LCLAT1: variants seen among roughly 807,000 people sequenced by gnomAD.
LCLAT1 encodes the protein lysocardiolipin acyltransferase 1.
Under a neutral mutation model 30.7 loss-of-function variants are expected in LCLAT1, and 11 were observed. The observed-to-expected ratio is 0.36, with a 90% CI of 0.23 to 0.59. The LOEUF is 0.59. Ranked by LOEUF, LCLAT1 falls within the 20% of genes least tolerant of loss-of-function variation. The pLI, the probability that LCLAT1 is intolerant of heterozygous loss-of-function variation, is 0.77. For synonymous variants in LCLAT1, 155 were observed against 151.3 expected (o/e 1.02, Z -0.18); for missense variants, 402 against 458.6 (o/e 0.88, Z 1.13).
At chr2:30,618,585 G>A (rs1668099870) in intron 5 of LCLAT1, among the ~76,000 whole-genome samples, 1 of 152,026 alleles carries the variant, frequency 6.6e-6, no homozygotes, top group African/African-American at 2.4e-5. Flanking sequence ...GTGGGAGGAG[G>A]GAGAAGAGAT....
chr2:30,633,597 AT>A (rs1388876965), intron 5 of LCLAT1, among the ~76,000 whole-genome samples: 1 of 152,172 alleles, frequency 6.6e-6, no homozygotes. Flanking sequence ...AGGCAGGAGA[AT>A]TGCTTGAACC....
In LCLAT1 at chr2:30,534,219, CTGTGTGTGTGTGTGTGTG is replaced by C. The variant is rs57380693; in HGVS notation, c.364+943_364+960del. Among the ~76,000 whole-genome samples the C allele has an allele frequency of 7.0e-3, 920 of 130,578 alleles. 7 individuals are homozygous for C. The highest frequency in any genetic ancestry group is 0.016 in the African/African-American group (544 of 34,542). The allele number at this position is 130,578 out of a possible 152,430, so 85.7% of individuals were successfully genotyped here. ...AGCAAGGGTGTTTGTAGTTGATTTA[CTGTGTGTGTGTGTGTGTG>C]TGTGTGTGTGTGTGTGTGTGTGTGT... On this transcript the variant is annotated intron_variant, in intron 3 of 5. Coordinates refer to ENST00000379509, the MANE Select transcript of LCLAT1 (RefSeq NM_001002257.3).
intron 1 of LCLAT1, among the ~76,000 whole-genome samples, chr2:30,453,060 T>C (rs1032724510): frequency 5.3e-5 from 8 of 152,168 alleles, no homozygotes; most frequent in African/African-American, 1.9e-4. Context: ...ATTACTGTTC[T>C]AGGGACAAAG....
intron 1 of LCLAT1, among the ~76,000 whole-genome samples, chr2:30,501,002 C>T (rs1206999011): frequency 1.3e-5 from 2 of 151,918 alleles, no homozygotes; most frequent in African/African-American, 4.8e-5. Flanking sequence ...ATTGCCCGAC[C>T]CAACCACCTG....
intron 5 of LCLAT1, among the ~76,000 whole-genome samples, chr2:30,625,681 A>G (rs1308949669): frequency 6.6e-6 from 1 of 152,240 alleles, no homozygotes; most frequent in African/African-American, 2.4e-5. Context: ...GTATTGTTAT[A>G]TATTTTGTAG....
At chr2:30,574,052 G>T (rs1480464926) in intron 5 of LCLAT1, among the ~76,000 whole-genome samples, 1 of 151,978 alleles carries the variant, frequency 6.6e-6, no homozygotes, top group Admixed American at 6.6e-5. Context: ...TGAGGCACGG[G>T]AATCGCTTGA....
intron 1 of LCLAT1, chr2:30,459,508 A>C: frequency 1.2e-6 from 1 of 808,972 alleles, no homozygotes; most frequent in Non-Finnish European, 2.2e-6. Flanking sequence ...CACTGTTCCC[A>C]AACTCTGCTT....
intron 1 of LCLAT1, among the ~76,000 whole-genome samples, chr2:30,517,804 AGT>A (rs1283311822): frequency 2.7e-4 from 41 of 152,208 alleles, no homozygotes; most frequent in Admixed American, 2.7e-3. Flanking sequence ...TAAAGAAAAA[AGT>A]GTACCCTATT....
At chr2:30,531,525 C>T (rs1685985507) in intron 2 of LCLAT1, among the ~76,000 whole-genome samples, 1 of 151,992 alleles carries the variant, frequency 6.6e-6, no homozygotes, top group African/African-American at 2.4e-5. Flanking sequence ...TTTTATTGAC[C>T]TCTTGGAGGC....
At chr2:30,568,662 C>T (rs1330440204) in intron 5 of LCLAT1, among the ~76,000 whole-genome samples, 2 of 150,940 alleles carry the variant, frequency 1.3e-5, no homozygotes, top group Non-Finnish European at 3.0e-5. Flanking sequence ...TGCCCACCAC[C>T]ACGCCCAGCT....
chr2:30,590,462 T>C (rs1666640441), intron 5 of LCLAT1, among the ~76,000 whole-genome samples: 1 of 150,288 alleles, frequency 6.7e-6, no homozygotes, highest in African/African-American at 2.4e-5. Context: ...TTATTTACCC[T>C]ACCAAAAGGT....
At chr2:30,618,322 G>T (rs1668089443) in intron 5 of LCLAT1, among the ~76,000 whole-genome samples, 1 of 151,992 alleles carries the variant, frequency 6.6e-6, no homozygotes, top group African/African-American at 2.4e-5. Flanking sequence ...TTTTTATTAG[G>T]ATTACTTTGA....
At chr2:30,546,801 C>G (rs1664433019) in intron 3 of LCLAT1, among the ~76,000 whole-genome samples, 1 of 152,114 alleles carries the variant, frequency 6.6e-6, no homozygotes, top group African/African-American at 2.4e-5. Context: ...CAGACATTCA[C>G]TAAAATTAGA....
At chr2:30,573,307 A>G (rs1261283557) in intron 5 of LCLAT1, among the ~76,000 whole-genome samples, 1 of 152,176 alleles carries the variant, frequency 6.6e-6, no homozygotes, top group Non-Finnish European at 1.5e-5. Flanking sequence ...GAATTATCAT[A>G]CAGCTGCTCA....
rs75491096 is a variant in LCLAT1, at chr2:30,577,238, G to A, written c.628+9062G>A. Among the ~76,000 whole-genome samples, 1,360 of 152,036 alleles carry A rather than the reference G, an allele frequency of 8.9e-3. 17 individuals are homozygous for A. Among genetic ancestry groups the A allele is most frequent in the African/African-American group, 0.03 (1,262 of 41,498 alleles). ...CAAAACTAGTCCAGGTTCATTTATC[G>A]TAAGTTGGCTACTCGGCACTGCATA... On this transcript the variant is annotated intron_variant, in intron 5 of 5. Transcript: ENST00000379509.
intron 3 of LCLAT1, among the ~76,000 whole-genome samples, chr2:30,543,126 G>T (rs755924445): frequency 6.6e-6 from 1 of 152,044 alleles, no homozygotes; most frequent in South Asian, 2.1e-4. Context: ...TCTTAATTAG[G>T]TTGAGGAGTT....
At chr2:30,622,773 G>A (rs1193144263) in intron 5 of LCLAT1, among the ~76,000 whole-genome samples, 1 of 152,150 alleles carries the variant, frequency 6.6e-6, no homozygotes, top group Non-Finnish European at 1.5e-5. Flanking sequence ...CACATCAAGG[G>A]AGCACCCCAT....
intron 1 of LCLAT1, among the ~76,000 whole-genome samples, chr2:30,521,486 CTTCTTCT>C (rs1685465900): frequency 3.9e-5 from 1 of 25,850 alleles, no homozygotes; most frequent in African/African-American, 2.3e-4. Flanking sequence ...CCCTAAACTA[CTTCTTCT>C]TTTTTTTTTT....
intron 1 of LCLAT1, among the ~76,000 whole-genome samples, chr2:30,449,983 T>C (rs1681467278): frequency 6.6e-6 from 1 of 152,148 alleles, no homozygotes; most frequent in African/African-American, 2.4e-5. Flanking sequence ...ATAGGATGAG[T>C]AAAAGTGGCT....
Sources: allele counts gnomAD v4.1 joint callset (sites outside exome capture counted in the v4.1 genomes callset), GRCh38; gene constraint gnomAD v4.1.1; transcripts MANE v1.5; gene names NCBI Gene and HGNC (gene_info 2026-07-23, HGNC 2026-07-21).